ERICH1: variants seen among roughly 807,000 people sequenced by gnomAD.
ERICH1 encodes the protein glutamate-rich protein 1.
ERICH1 carries 56 observed loss-of-function variants against 39.6 expected under a neutral mutation model. That is an observed-to-expected ratio of 1.41 (90% CI 1.14 to 1.77). The LOEUF is 1.77. Among genes scored for constraint, ERICH1 ranks in the 40% most tolerant of loss-of-function variants. The pLI, the probability that ERICH1 is intolerant of heterozygous loss-of-function variation, is 0.00. For synonymous variants in ERICH1, 313 were observed against 223.6 expected, an observed-to-expected ratio of 1.40 and a Z score of -3.57; for missense variants, 826 against 575.4, an observed-to-expected ratio of 1.44 and a Z score of -4.45.
chr8:671,545 G>A (rs1803409052), intron 4 of ERICH1, among the ~76,000 whole-genome samples: 1 of 142,716 alleles, frequency 7.0e-6, no homozygotes, highest in Admixed American at 7.0e-5. Flanking sequence ...GAACCTGCCG[G>A]CCCTGGCTGT....
At chr8:699,680 C>T (rs1350716290) in intron 2 of ERICH1, among the ~76,000 whole-genome samples, 1 of 150,130 alleles carries the variant, frequency 6.7e-6, no homozygotes, top group Non-Finnish European at 1.5e-5. Flanking sequence ...GACCCGCACA[C>T]GTGCACAGAC....
Position 725,349 on chromosome 8 carries a change from C to T in ERICH1, c.22+5791G>A, listed in dbSNP as rs917992718. 3 of 153,928 alleles carry T rather than the reference C, an allele frequency of 1.9e-5. No individual in the cohort carries two copies. The South Asian group carries it at 5.6e-4, about 29-fold the overall frequency. 9.5% of individuals were successfully genotyped at this position (153,928 alleles called of 1,614,324 possible). On this transcript the variant is annotated intron_variant, in intron 1 of 5. Coordinates refer to ENST00000262109, the MANE Select transcript of ERICH1 (RefSeq NM_207332.3). Reference sequence around the variant, plus strand: ...ACTCCATCAGAACCTTGCATGTGATCGGTCACCTGGCTGGGTCCTCACGGT... The same window carrying T: ...ACTCCATCAGAACCTTGCATGTGATTGGTCACCTGGCTGGGTCCTCACGGT...
In ERICH1 at chr8:619,036, A is replaced by G. The variant is rs566679644; in HGVS notation, c.977-3752T>C. Among the ~76,000 whole-genome samples, 5 of 152,294 alleles carry G rather than the reference A, an allele frequency of 3.3e-5. 1 individual carries two copies. Among genetic ancestry groups the G allele is most frequent in the African/African-American group, 7.2e-5 (3 of 41,564 alleles). On this transcript the variant is annotated intron_variant, in intron 3 of 3. Transcript: ENST00000522706. ...GAAAATCCAGTAAATCTTAGTAACA[A>G]CAGTGAGAGTCTGTGGCATTTCAGC...
chr8:701,572 G>A (rs539855465), intron 2 of ERICH1, among the ~76,000 whole-genome samples: 35 of 152,350 alleles, frequency 2.3e-4, no homozygotes, highest in Non-Finnish European at 3.8e-4. Flanking sequence ...AAACTGCAGC[G>A]TCAGGTGAGC....
At chr8:681,907 G>C (rs1227572540) in intron 3 of ERICH1, among the ~76,000 whole-genome samples, 1 of 152,076 alleles carries the variant, frequency 6.6e-6, no homozygotes. Flanking sequence ...ACCTGATTGG[G>C]CTCCTCACCC....
At chr8:658,484 C>A (rs1800953820) in intron 3 of ERICH1, among the ~76,000 whole-genome samples, 2 of 152,198 alleles carry the variant, frequency 1.3e-5, no homozygotes, top group African/African-American at 2.4e-5. Flanking sequence ...TCTTCCCAAA[C>A]CCCTCATCCC....
At chr8:627,024 G>A (rs941818026) in intron 3 of ERICH1, 2 of 437,754 alleles carry the variant, frequency 4.6e-6, no homozygotes, top group African/African-American at 4.0e-5. Flanking sequence ...CATGGTGTCC[G>A]ACACTCCCTT....
chr8:615,016 C>T, exon 4 of ERICH1: 1 of 434,670 alleles, frequency 2.3e-6, no homozygotes. Flanking sequence ...CTGCCTCATT[C>T]AAGCCACCTT....
chr8:653,818 T>C (rs571279271), intron 3 of ERICH1, among the ~76,000 whole-genome samples: 1 of 150,978 alleles, frequency 6.6e-6, no homozygotes, highest in East Asian at 1.9e-4. Context: ...TCCGGAGGGG[T>C]TGGAGCCACA....
intron 3 of ERICH1, among the ~76,000 whole-genome samples, chr8:656,505 C>T (rs1462385962): frequency 6.6e-6 from 1 of 152,224 alleles, no homozygotes; most frequent in Non-Finnish European, 1.5e-5. Flanking sequence ...TCCTGACCTT[C>T]CCCACCTGTG....
intron 3 of ERICH1, among the ~76,000 whole-genome samples, chr8:628,829 A>G (rs952430910): frequency 5.3e-5 from 8 of 152,204 alleles, no homozygotes; most frequent in Admixed American, 2.6e-4. Context: ...GGCTCCCCCA[A>G]TGCTGAGGCA....
chr8:711,616 G>T (rs976776932), intron 2 of ERICH1, among the ~76,000 whole-genome samples: 2 of 151,802 alleles, frequency 1.3e-5, no homozygotes, highest in Non-Finnish European at 1.5e-5. Flanking sequence ...TTCTGCCTCA[G>T]CCTACCGAGT....
chr8:688,892 T>C (rs1808274800), intron 3 of ERICH1, among the ~76,000 whole-genome samples: 1 of 152,228 alleles, frequency 6.6e-6, no homozygotes, highest in African/African-American at 2.4e-5. Context: ...CTAAAGGGAA[T>C]ACCTTTCACC....
intron 3 of ERICH1, among the ~76,000 whole-genome samples, chr8:637,361 C>G (rs943456038): frequency 6.6e-6 from 1 of 152,248 alleles, no homozygotes; most frequent in Non-Finnish European, 1.5e-5. Context: ...GGCTCCTGGG[C>G]TACACGTTCC....
chr8:712,537 C>T (rs1310636906), intron 2 of ERICH1, among the ~76,000 whole-genome samples: 1 of 152,164 alleles, frequency 6.6e-6, no homozygotes, highest in African/African-American at 2.4e-5. Context: ...TCAAGTGATT[C>T]TCCTGCCTCA....
chr8:694,728 A>G (rs1034519210), intron 2 of ERICH1, among the ~76,000 whole-genome samples: 1 of 152,074 alleles, frequency 6.6e-6, no homozygotes, highest in Non-Finnish European at 1.5e-5. Flanking sequence ...CTAACTTTTT[A>G]TATTCTTTTG....
intron 5 of ERICH1, chr8:667,473 C>G (rs1802439051): frequency 1.3e-5 from 2 of 152,770 alleles, no homozygotes; most frequent in African/African-American, 4.8e-5. Context: ...TATGACGCAT[C>G]TCACCGAGTA....
chr8:652,161 C>T (rs1800046478), intron 3 of ERICH1, among the ~76,000 whole-genome samples: 2 of 152,220 alleles, frequency 1.3e-5, no homozygotes, highest in Admixed American at 6.5e-5. Context: ...CCATCGACGC[C>T]TTCCCTGAAC....
intron 2 of ERICH1, among the ~76,000 whole-genome samples, chr8:712,575 G>A (rs749285337): frequency 6.6e-6 from 1 of 152,142 alleles, no homozygotes; most frequent in Non-Finnish European, 1.5e-5. Flanking sequence ...GACTACAGGT[G>A]TGCACCACCA....
Sources: gnomAD v4.1 joint callset for allele counts (sites outside exome capture counted in the v4.1 genomes callset) on GRCh38, gnomAD v4.1.1 for gene constraint, MANE v1.5 for transcripts, NCBI Gene and HGNC (gene_info 2026-07-23, HGNC 2026-07-21) for gene names.